PLSCR4: variants seen among roughly 807,000 people sequenced by gnomAD.
PLSCR4 encodes the protein phospholipid scramblase 4, also known as Ca(2+)-dependent phospholipid scramblase 4.
In PLSCR4, 25 loss-of-function variants were observed where a neutral mutation model predicts 36.3. That is an observed-to-expected ratio of 0.69 (90% CI 0.50 to 0.96). The LOEUF is 0.96. PLSCR4 is among the 40% of genes least tolerant of loss of function. PLSCR4 has a pLI of 0.00. For missense variants in PLSCR4, 408 were observed against 414.7 expected (o/e 0.98, Z 0.14); for synonymous variants, 122 against 132.9 (o/e 0.92, Z 0.56).
chr3:146,195,089 ACT>A (rs1311679677), intron 8 of PLSCR4, 33 bp downstream of exon 8: 15 of 1,598,132 alleles, frequency 9.4e-6, no homozygotes, highest in South Asian at 7.7e-5. Flanking sequence ...AGAAAGAACA[ACT>A]CTCTCAGGAT....
chr3:146,222,585 G>A (rs1362579091), intron 1 of PLSCR4, among the ~76,000 whole-genome samples: 1 of 152,168 alleles, frequency 6.6e-6, no homozygotes, highest in Non-Finnish European at 1.5e-5. Context: ...AGATGGCAGT[G>A]AGCATGGGAT....
chr3:146,213,890 ATTTTAGTAATATGAGGTG>A (rs2034758228), intron 3 of PLSCR4, among the ~76,000 whole-genome samples: 1 of 151,944 alleles, frequency 6.6e-6, no homozygotes, highest in South Asian at 2.1e-4. Context: ...TTCATTCCTG[ATTTTAGTAATATGAGGTG>A]TTTTATTTTT....
chr3:146,209,423 ATAT>A (rs2034508868), intron 3 of PLSCR4, among the ~76,000 whole-genome samples: 1 of 152,122 alleles, frequency 6.6e-6, no homozygotes, highest in Admixed American at 6.6e-5. Flanking sequence ...TGGAAATAAA[ATAT>A]TTTTTAAAAA....
intron 1 of PLSCR4, among the ~76,000 whole-genome samples, chr3:146,231,589 A>G (rs114907765): frequency 6.6e-6 from 1 of 152,120 alleles, no homozygotes; most frequent in Non-Finnish European, 1.5e-5. Flanking sequence ...TGTGGTTTTG[A>G]TATGCATTTC....
At chr3:146,248,429 T>G (rs765833677) in intron 1 of PLSCR4, among the ~76,000 whole-genome samples, 1 of 152,128 alleles carries the variant, frequency 6.6e-6, no homozygotes, top group Non-Finnish European at 1.5e-5. Flanking sequence ...ACTCACAATA[T>G]AATTCAGCCT....
At chr3:146,238,441 C>A (rs1238310795) in intron 1 of PLSCR4, among the ~76,000 whole-genome samples, 9 of 151,884 alleles carry the variant, frequency 5.9e-5, no homozygotes, top group Non-Finnish European at 5.9e-5. Flanking sequence ...CCACAATACA[C>A]CATGACCAAG....
intron 3 of PLSCR4, among the ~76,000 whole-genome samples, chr3:146,215,553 A>G (rs1328930281): frequency 6.6e-6 from 1 of 152,302 alleles, no homozygotes; most frequent in Admixed American, 6.5e-5. Flanking sequence ...GAAAAAAATA[A>G]TTTTTACCTA....
intron 3 of PLSCR4, among the ~76,000 whole-genome samples, chr3:146,215,068 G>C (rs1033276104): frequency 6.6e-6 from 1 of 151,952 alleles, no homozygotes; most frequent in African/African-American, 2.4e-5. Context: ...TGTTTTGTCT[G>C]ATATTTCATC....
chr3:146,241,943 C>T (rs1342675810), intron 1 of PLSCR4, among the ~76,000 whole-genome samples: 1 of 152,112 alleles, frequency 6.6e-6, no homozygotes, highest in African/African-American at 2.4e-5. Flanking sequence ...TAAATTGGGC[C>T]TAAAGCTGCC....
chr3:146,205,353 TATTA>T (rs1441500099), intron 4 of PLSCR4, among the ~76,000 whole-genome samples: 2 of 151,994 alleles, frequency 1.3e-5, no homozygotes, highest in Admixed American at 6.6e-5. Flanking sequence ...TTCATGGACA[TATTA>T]ATTTTACTAT....
At chr3:146,217,186 C>T (rs896851152) in intron 3 of PLSCR4, among the ~76,000 whole-genome samples, 3 of 152,110 alleles carry the variant, frequency 2.0e-5, no homozygotes, top group African/African-American at 4.8e-5. Context: ...ATGGTTGTCA[C>T]GAAGCAAGTA....
chr3:146,229,416 T>TA (rs1377155008), intron 1 of PLSCR4, among the ~76,000 whole-genome samples: 12 of 151,816 alleles, frequency 7.9e-5, no homozygotes, highest in Non-Finnish European at 1.5e-4. Flanking sequence ...AAAATCCCCA[T>TA]AAAAAACCTG....
intron 3 of PLSCR4, among the ~76,000 whole-genome samples, chr3:146,211,536 C>A (rs1246172853): frequency 6.6e-6 from 1 of 152,016 alleles, no homozygotes; most frequent in African/African-American, 2.4e-5. Flanking sequence ...ATATACAAAA[C>A]TTTTTAATTG....
At chr3:146,225,617 C>A (rs1335914379) in intron 1 of PLSCR4, among the ~76,000 whole-genome samples, 4 of 152,336 alleles carry the variant, frequency 2.6e-5, no homozygotes, top group African/African-American at 9.6e-5. Flanking sequence ...TCGAGCACAG[C>A]ACCGGTGGGC....
chr3:146,195,875 A>G (rs1356166333), intron 7 of PLSCR4, among the ~76,000 whole-genome samples: 1 of 152,204 alleles, frequency 6.6e-6, no homozygotes, highest in East Asian at 1.9e-4. Flanking sequence ...TTAATAAATA[A>G]GCAATGCTTA....
At chr3:146,246,308 G>A (rs1228659540) in intron 1 of PLSCR4, among the ~76,000 whole-genome samples, 1 of 151,890 alleles carries the variant, frequency 6.6e-6, no homozygotes, top group East Asian at 1.9e-4. Flanking sequence ...TTTTTATTGT[G>A]TTGTTTTTAT....
At chr3:146,235,222 T>C (rs115424011) in intron 1 of PLSCR4, among the ~76,000 whole-genome samples, 191 of 152,180 alleles carry the variant, frequency 1.3e-3, no homozygotes, top group South Asian at 3.9e-3. Context: ...ATGCTGGAGG[T>C]TGGGCCTGGT....
At chr3:146,205,471 G>A (rs905807730) in intron 4 of PLSCR4, among the ~76,000 whole-genome samples, 1 of 151,786 alleles carries the variant, frequency 6.6e-6, no homozygotes, top group African/African-American at 2.4e-5. Context: ...GTCTTTCCTT[G>A]ACATATCCAA....
intron 1 of PLSCR4, among the ~76,000 whole-genome samples, chr3:146,243,807 T>C (rs2107859043): frequency 6.6e-6 from 1 of 152,276 alleles, no homozygotes; most frequent in Middle Eastern, 3.4e-3. Flanking sequence ...GAATGCTTCC[T>C]CATTTGTAGA....
Sources: gnomAD v4.1 joint callset for allele counts (sites outside exome capture counted in the v4.1 genomes callset) on GRCh38, gnomAD v4.1.1 for gene constraint, MANE v1.5 for transcripts, NCBI Gene and HGNC (gene_info 2026-07-23, HGNC 2026-07-21) for gene names.